The following PTPRD variants were observed in gnomAD, a reference collection of about 807,000 sequenced individuals.
PTPRD encodes the protein protein tyrosine phosphatase receptor type D, also known as receptor-type tyrosine-protein phosphatase delta.
A neutral mutation model predicts 214.5 loss-of-function variants in PTPRD; 34 were observed. The observed-to-expected ratio is 0.16, with a 90% CI of 0.12 to 0.21. The LOEUF (loss-of-function observed/expected upper bound fraction) is 0.21. PTPRD is among the 10% of genes least tolerant of loss of function. PTPRD has a pLI of 1.00. For synonymous variants in PTPRD, 1,128 were observed against 845.7 expected (o/e 1.33, Z -5.79); for missense variants, 2,545 against 2,398.7 (o/e 1.06, Z -1.27).
intron 11 of PTPRD, among the ~76,000 whole-genome samples, chr9:8,917,472 T>C (rs1033708459): frequency 3.3e-5 from 5 of 151,978 alleles, no homozygotes; most frequent in Non-Finnish European, 5.9e-5. Flanking sequence ...CTCTTTGCTC[T>C]GGGGCAAGGA....
At chr9:8,514,180 G>A (rs932279845) in intron 21 of PTPRD, among the ~76,000 whole-genome samples, 1 of 152,030 alleles carries the variant, frequency 6.6e-6, no homozygotes, top group African/African-American at 2.4e-5. Flanking sequence ...AAAAAATAAA[G>A]ATATGGTCTG....
chr9:9,789,260 A>G (rs977873970), intron 5 of PTPRD, among the ~76,000 whole-genome samples: 4 of 152,200 alleles, frequency 2.6e-5, no homozygotes, highest in Non-Finnish European at 2.9e-5. Flanking sequence ...ATCCAAGGTA[A>G]GCATCATCAA....
intron 2 of PTPRD, among the ~76,000 whole-genome samples, chr9:10,400,144 C>G (rs1314737898): frequency 1.3e-5 from 2 of 151,746 alleles, no homozygotes; most frequent in Non-Finnish European, 2.9e-5. Context: ...GTCTCCTTCA[C>G]TTATGTAGTA....
intron 12 of PTPRD, among the ~76,000 whole-genome samples, chr9:8,637,609 A>G (rs1385947281): frequency 6.6e-6 from 1 of 152,210 alleles, no homozygotes; most frequent in African/African-American, 2.4e-5. Flanking sequence ...TCCTTCTTTA[A>G]AAAACTTACT....
chr9:9,374,960 A>C (rs1312212890), intron 9 of PTPRD, among the ~76,000 whole-genome samples: 1 of 152,204 alleles, frequency 6.6e-6, no homozygotes, highest in African/African-American at 2.4e-5. Flanking sequence ...AGACTTTTTA[A>C]AGAATTGGAT....
chr9:9,093,053 C>T (rs894633869), intron 10 of PTPRD, among the ~76,000 whole-genome samples: 1 of 151,886 alleles, frequency 6.6e-6, no homozygotes, highest in Non-Finnish European at 1.5e-5. Flanking sequence ...AACGGCTATA[C>T]TAAAATAAAG....
chr9:8,526,615 C>A lies in PTPRD; in HGVS notation c.568+12G>T. On this transcript the variant is annotated intron_variant, in intron 17 of 45. Transcript: ENST00000381196. ...TAAGATCATTCTGTGAACGTTAGTT[C>A]AGCACTCTTACCTCTTATTGGTGTA... The A allele has an allele frequency of 6.3e-7, 1 of 1,576,578 alleles. No individual in the cohort carries two copies.
intron 12 of PTPRD, among the ~76,000 whole-genome samples, chr9:8,712,183 A>G (rs1283661250): frequency 6.6e-6 from 1 of 152,356 alleles, no homozygotes; most frequent in East Asian, 1.9e-4. Context: ...AATGTATCAC[A>G]TAACTATATT....
intron 34 of PTPRD, among the ~76,000 whole-genome samples, chr9:8,443,338 G>A (rs1192752430): frequency 1.3e-5 from 2 of 152,180 alleles, no homozygotes; most frequent in African/African-American, 4.8e-5. Context: ...TATGAAGAAA[G>A]TATATATAAA....
At chr9:8,323,112 T>C (rs1029619715) in intron 44 of PTPRD, among the ~76,000 whole-genome samples, 1 of 152,180 alleles carries the variant, frequency 6.6e-6, no homozygotes, top group Non-Finnish European at 1.5e-5. Flanking sequence ...CAAGAAAGAA[T>C]GGATGATAAG....
intron 9 of PTPRD, among the ~76,000 whole-genome samples, chr9:9,240,536 T>G (rs958951557): frequency 1.3e-5 from 2 of 152,138 alleles, no homozygotes; most frequent in Non-Finnish European, 2.9e-5. Flanking sequence ...CTGGGCATGG[T>G]GGCACGTGCC....
chr9:9,134,058 CTTTTTTT>C (rs928663989), intron 10 of PTPRD, among the ~76,000 whole-genome samples: 8 of 75,446 alleles, frequency 1.1e-4, no homozygotes, highest in Admixed American at 6.4e-4. Context: ...TAGAATCATT[CTTTTTTT>C]TTTTTTTTTT....
At chr9:9,386,429 AG>A (rs1197928574) in intron 9 of PTPRD, among the ~76,000 whole-genome samples, 1 of 152,162 alleles carries the variant, frequency 6.6e-6, no homozygotes, top group Non-Finnish European at 1.5e-5. Flanking sequence ...ATGAAGAGTG[AG>A]GGTAGATCCC....
intron 9 of PTPRD, among the ~76,000 whole-genome samples, chr9:9,313,024 T>A (rs923813933): frequency 1.3e-5 from 2 of 152,228 alleles, no homozygotes; most frequent in Admixed American, 6.5e-5. Flanking sequence ...TAATCTTTCT[T>A]AAGTGTATAT....
At chr9:10,172,211 T>A (rs1361425201) in intron 3 of PTPRD, among the ~76,000 whole-genome samples, 1 of 152,136 alleles carries the variant, frequency 6.6e-6, no homozygotes, top group Non-Finnish European at 1.5e-5. Flanking sequence ...TCGTCTGTTT[T>A]TTGTTAGACT....
intron 5 of PTPRD, among the ~76,000 whole-genome samples, chr9:9,869,225 A>G (rs948802334): frequency 2.0e-5 from 3 of 152,198 alleles, no homozygotes; most frequent in African/African-American, 7.2e-5. Flanking sequence ...GCAAATATTC[A>G]TGTGATCAAA....
At chr9:9,118,537 C>G (rs1344843708) in intron 10 of PTPRD, among the ~76,000 whole-genome samples, 1 of 152,152 alleles carries the variant, frequency 6.6e-6, no homozygotes, top group East Asian at 1.9e-4. Flanking sequence ...AATAGCTATT[C>G]TAGTAGCCTG....
chr9:9,644,072 T>C (rs1455417150), intron 7 of PTPRD, among the ~76,000 whole-genome samples: 1 of 152,208 alleles, frequency 6.6e-6, no homozygotes, highest in Non-Finnish European at 1.5e-5. Context: ...AAGTTTTTTT[T>C]CTGTACAACT....
At chr9:8,405,752 A>T (rs1589631738) in intron 35 of PTPRD, among the ~76,000 whole-genome samples, 1 of 152,284 alleles carries the variant, frequency 6.6e-6, no homozygotes, top group Admixed American at 6.5e-5. Context: ...TAATTTTTTT[A>T]AAATATACTC....
Sources: allele counts gnomAD v4.1 joint callset (sites outside exome capture counted in the v4.1 genomes callset), GRCh38; gene constraint gnomAD v4.1.1; transcripts MANE v1.5; gene names NCBI Gene and HGNC (gene_info 2026-07-23, HGNC 2026-07-21).